MAS1: variants seen among roughly 807,000 people sequenced by gnomAD.
MAS1 encodes the protein MAS1 proto-oncogene, G protein-coupled receptor.
For synonymous variants in MAS1, 163 were observed against 164.2 expected (o/e 0.99, Z 0.05); for missense variants, 387 against 409.7 (o/e 0.94, Z 0.48).
chr6:159,904,591 C>G (rs1390756485), intron 2 of MAS1, among the ~76,000 whole-genome samples: 1 of 152,228 alleles, frequency 6.6e-6, no homozygotes, highest in African/African-American at 2.4e-5. Context: ...GCCTTCACCT[C>G]CCACCTGACC....
chr6:159,897,800 G>C (rs2115110168), intron 1 of MAS1, among the ~76,000 whole-genome samples: 1 of 152,006 alleles, frequency 6.6e-6, no homozygotes, highest in East Asian at 1.9e-4. Flanking sequence ...AGGCAGGTGT[G>C]GTTTGATCAG....
intron 1 of MAS1, among the ~76,000 whole-genome samples, chr6:159,898,694 C>CCTCCTCCCTCTTCCTT (rs1782789738): frequency 8.8e-6 from 1 of 114,112 alleles, no homozygotes; most frequent in Non-Finnish European, 1.9e-5. Context: ...CCCTCTTCCT[C>CCTCCTCCCTCTTCCTT]CTCCTTCATC....
rs978193483 is a variant in MAS1 at position 159,912,279 on chromosome 6, A to C, written c.*4346A>C. The C allele has an allele frequency of 6.6e-6, 1 of 152,220 alleles. No homozygotes were observed. The highest frequency in any genetic ancestry group is 6.5e-5 in the Admixed American group (1 of 15,288). 9.4% of individuals were successfully genotyped at this position (152,220 alleles called of 1,614,324 possible). ...TAGAAGATGCTTTACGGGCATCCCT[A>C]GAATTTCACCATTAGAAGAGTAGTT... On this transcript the variant is annotated 3_prime_UTR_variant, in exon 3 of 3. Transcript: ENST00000674077.
chr6:159,909,694 G>T lies in MAS1; in HGVS notation c.*1761G>T, dbSNP rs558344738. 1 of 152,260 alleles carries T rather than the reference G, an allele frequency of 6.6e-6. No homozygotes were observed. The highest frequency in any genetic ancestry group is 2.4e-5 in the African/African-American group (1 of 41,436). The allele number at this position is 152,260 out of a possible 1,614,324, so 9.4% of individuals were successfully genotyped here. A position where few individuals can be genotyped will look rare whatever the true frequency, so the allele number is the denominator to read the frequency against. On this transcript the variant is annotated 3_prime_UTR_variant, in exon 3 of 3. Transcript: ENST00000674077. Reference sequence around the variant, plus strand: ...TCCTGTCCTCTCCTGTGTGTGCTGTGTGCTGGCCTCTGGGGTAGGGAAAGG... The same window carrying T: ...TCCTGTCCTCTCCTGTGTGTGCTGTTTGCTGGCCTCTGGGGTAGGGAAAGG...
In MAS1 at chr6:159,898,489, ACTCCTCCTCCTC is replaced by A. The variant is rs780491597; in HGVS notation, c.-243-676_-243-665del. 5.6e-5 allele frequency among the ~76,000 whole-genome samples: 7 copies of A among 125,100 alleles called. No individual in the cohort carries two copies. The South Asian group carries it at 1.3e-3, about 24-fold the overall frequency. 82.1% of individuals were successfully genotyped at this position (125,100 alleles called of 152,430 possible). ...GGTTTGGTAGAACAGTGATTTCCAG[ACTCCTCCTCCTC>A]CTCCTCCTCCTCCTCCTCCTTCTTC... On this transcript the variant is annotated intron_variant, in intron 1 of 2. Transcript: ENST00000674077.
chr6:159,897,715 A>T (rs148905292), intron 1 of MAS1, among the ~76,000 whole-genome samples: 1 of 152,248 alleles, frequency 6.6e-6, no homozygotes, highest in African/African-American at 2.4e-5. Flanking sequence ...ACACTGTCAT[A>T]ATTTTCTCAC....
intron 2 of MAS1, among the ~76,000 whole-genome samples, chr6:159,903,611 C>A (rs1004484319): frequency 6.6e-6 from 1 of 152,152 alleles, no homozygotes; most frequent in African/African-American, 2.4e-5. Context: ...AGATACTGCA[C>A]TTTCAGAAGA....
chr6:159,902,106 G>A (rs1436714735), intron 2 of MAS1: 1 of 152,120 alleles, frequency 6.6e-6, no homozygotes, highest in South Asian at 2.1e-4. Flanking sequence ...GGGTAACTGA[G>A]AGCTCTCTCC....
rs1477874149 is a variant in MAS1, at chr6:159,915,869, G to A, written c.*7936G>A. ...CACCTCAGAACTGCCCTCCTGGAAGGGCGAAGGAGCCGTGGCGCCGACCCC... is the reference window on the plus strand; with the variant it reads ...CACCTCAGAACTGCCCTCCTGGAAGAGCGAAGGAGCCGTGGCGCCGACCCC... On this transcript the variant is annotated 3_prime_UTR_variant, in exon 3 of 3. Transcript: ENST00000674077. The A allele has an allele frequency of 2.0e-5, 3 of 152,388 alleles. No homozygotes were observed. Among genetic ancestry groups the A allele is most frequent in the Non-Finnish European group, 4.4e-5 (3 of 68,186 alleles). 9.4% of individuals were successfully genotyped at this position (152,388 alleles called of 1,614,324 possible). A position where few individuals can be genotyped will look rare whatever the true frequency, so the allele number is the denominator to read the frequency against.
At chr6:159,892,674 T>C (rs1335611849) in intron 1 of MAS1, among the ~76,000 whole-genome samples, 1 of 152,174 alleles carries the variant, frequency 6.6e-6, no homozygotes, top group Non-Finnish European at 1.5e-5. Context: ...ACCACCCATC[T>C]GTTCCTCTCA....
Position 159,908,038 on chromosome 6 carries a change from T to G in MAS1, c.*105T>G. ...CTCCTAAATGTGATACAGAAGAACA[T>G]CTCATCCCATATGCATGAGATACTA... On this transcript the variant is annotated 3_prime_UTR_variant, in exon 3 of 3. Coordinates refer to ENST00000674077, the MANE Select transcript of MAS1 (RefSeq NM_002377.4). The G allele has an allele frequency of 6.2e-6, 8 of 1,288,534 alleles. No individual in the cohort carries two copies. In the South Asian group the frequency reaches 1.3e-4, roughly 20 times the overall value. 79.8% of individuals were successfully genotyped at this position (1,288,534 alleles called of 1,614,324 possible). A position where few individuals can be genotyped will look rare whatever the true frequency, so the allele number is the denominator to read the frequency against.
intron 2 of MAS1, among the ~76,000 whole-genome samples, chr6:159,900,421 C>T (rs764592996): frequency 3.1e-4 from 47 of 152,244 alleles, no homozygotes; most frequent in Non-Finnish European, 6.2e-4. Flanking sequence ...CACGTAGGGC[C>T]GGCTGTTGTC....
At position 159,907,963 on chromosome 6, in the gene MAS1, G is replaced by A. The variant is rs1239307970; in HGVS notation, c.*30G>A. On this transcript the variant is annotated 3_prime_UTR_variant, in exon 3 of 3. Coordinates refer to ENST00000674077, the MANE Select transcript of MAS1 (RefSeq NM_002377.4). ...TGTGAGGGAAGTTGTGGATAAAAAT[G>A]GTGGAACACAGGTCATTTTTAGTTT... is the stretch of plus-strand genomic sequence containing the variant. The A allele has an allele frequency of 6.5e-6, 10 of 1,550,042 alleles. No homozygotes were observed. The highest frequency in any genetic ancestry group is 1.4e-5 in the African/African-American group (1 of 72,052).
chr6:159,889,124 C>T (rs1782670104), upstream of MAS1, among the ~76,000 whole-genome samples: 1 of 152,154 alleles, frequency 6.6e-6, no homozygotes, highest in Non-Finnish European at 1.5e-5. Flanking sequence ...AGACTCTCTC[C>T]CTACCTAGAA....
At chr6:159,893,724 A>G (rs1427914451) in intron 1 of MAS1, among the ~76,000 whole-genome samples, 1 of 152,222 alleles carries the variant, frequency 6.6e-6, no homozygotes, top group African/African-American at 2.4e-5. Flanking sequence ...GACTATACAT[A>G]AATGTTATCT....
At chr6:159,898,007 C>T (rs1185512755) in intron 1 of MAS1, among the ~76,000 whole-genome samples, 1 of 151,954 alleles carries the variant, frequency 6.6e-6, no homozygotes, top group Non-Finnish European at 1.5e-5. Flanking sequence ...GTTCTCCTGC[C>T]TCTGCTTCCG....
At position 159,908,068 on chromosome 6, in the gene MAS1, A is replaced by G; in HGVS notation, c.*135A>G. 4.1e-6 allele frequency: 4 copies of G among 973,240 alleles called. No homozygotes were observed. In the South Asian group the frequency reaches 6.3e-5, roughly 15 times the overall value. 60.3% of individuals were successfully genotyped at this position (973,240 alleles called of 1,614,324 possible). ...TCCCATATGCATGAGATACTAATTA[A>G]TGATGAAATTGAACTCTTGTACTGT... On this transcript the variant is annotated 3_prime_UTR_variant, in exon 3 of 3. Transcript: ENST00000674077.
chr6:159,894,595 C>A (rs371451981), intron 1 of MAS1, among the ~76,000 whole-genome samples: 1 of 151,952 alleles, frequency 6.6e-6, no homozygotes, highest in East Asian at 1.9e-4. Context: ...GGCGAGGAGA[C>A]GTGAAGTGGG....
At position 159,909,214 on chromosome 6, in the gene MAS1, T is replaced by C. The variant is rs1198550067; in HGVS notation, c.*1281T>C. On this transcript the variant is annotated 3_prime_UTR_variant, in exon 3 of 3. Transcript: ENST00000674077. ...GAAGCCCGTCGCATAGCTATGTTTA[T>C]TTCCTTCTGTCCCTTCTAGGAGTTC... The C allele has an allele frequency of 1.3e-5, 2 of 152,244 alleles. No individual in the cohort carries two copies. The highest frequency in any genetic ancestry group is 4.8e-5 in the African/African-American group (2 of 41,456). 9.4% of individuals were successfully genotyped at this position (152,244 alleles called of 1,614,324 possible).
Sources: allele counts gnomAD v4.1 joint callset (sites outside exome capture counted in the v4.1 genomes callset), GRCh38; gene constraint gnomAD v4.1.1; transcripts MANE v1.5; gene names NCBI Gene and HGNC (gene_info 2026-07-23, HGNC 2026-07-21).